CDH18: variants seen among roughly 807,000 people sequenced by gnomAD.
The protein encoded by CDH18 is cadherin 18, also known as cadherin-18.
A neutral mutation model predicts 67.9 loss-of-function variants in CDH18; 31 were observed. That is an observed-to-expected ratio of 0.46 (90% CI 0.34 to 0.62). The LOEUF is 0.62. Ranked by LOEUF, CDH18 falls within the 20% of genes least tolerant of loss-of-function variation. The probability of loss-of-function intolerance (pLI) is 0.01; values close to 1 mark genes in which losing one functional copy is unlikely to be tolerated. For synonymous variants in CDH18, 362 were observed against 347.2 expected (o/e 1.04, Z -0.48); for missense variants, 890 against 975.5 (o/e 0.91, Z 1.17).
intron 7 of CDH18, among the ~76,000 whole-genome samples, chr5:19,587,563 C>T (rs1744378402): frequency 6.6e-6 from 1 of 151,740 alleles, no homozygotes. Context: ...TTCTCCATTG[C>T]TTGTTTTTGT....
chr5:19,676,193 A>G (rs1759462891), intron 5 of CDH18, among the ~76,000 whole-genome samples: 1 of 152,070 alleles, frequency 6.6e-6, no homozygotes, highest in African/African-American at 2.4e-5. Flanking sequence ...GAAATATGGG[A>G]TTACATAACC....
intron 1 of CDH18, among the ~76,000 whole-genome samples, chr5:20,534,771 T>C (rs1023908023): frequency 6.6e-6 from 1 of 152,012 alleles, no homozygotes; most frequent in African/African-American, 2.4e-5. Context: ...ACATCAAAAT[T>C]ATTTAGCACA....
At chr5:20,227,063 T>G (rs1250092938) in intron 2 of CDH18, among the ~76,000 whole-genome samples, 1 of 152,126 alleles carries the variant, frequency 6.6e-6, no homozygotes, top group Admixed American at 6.6e-5. Flanking sequence ...CCTCTTTTTT[T>G]GCCCAAATCA....
intron 2 of CDH18, among the ~76,000 whole-genome samples, chr5:20,214,284 A>G (rs555590928): frequency 4.5e-4 from 69 of 152,140 alleles, no homozygotes; most frequent in African/African-American, 1.7e-3. Flanking sequence ...CATTTTATAG[A>G]TTCAGTACTG....
chr5:19,686,462 C>T (rs537557992), intron 5 of CDH18, among the ~76,000 whole-genome samples: 1 of 152,222 alleles, frequency 6.6e-6, no homozygotes, highest in Admixed American at 6.5e-5. Context: ...AAAGTTGGAA[C>T]ACCAGATATG....
intron 1 of CDH18, among the ~76,000 whole-genome samples, chr5:20,430,715 A>G (rs1314165288): frequency 3.9e-5 from 6 of 152,194 alleles, no homozygotes; most frequent in Admixed American, 3.9e-4. Flanking sequence ...TGCACATAAA[A>G]TTGACAAATA....
At chr5:19,777,870 A>G (rs1176282494) in intron 3 of CDH18, among the ~76,000 whole-genome samples, 2 of 152,222 alleles carry the variant, frequency 1.3e-5, no homozygotes, top group Non-Finnish European at 2.9e-5. Context: ...AGAAACAAAG[A>G]ACATAAATTA....
chr5:20,179,388 C>T (rs1370251961), intron 2 of CDH18, among the ~76,000 whole-genome samples: 1 of 152,108 alleles, frequency 6.6e-6, no homozygotes, highest in African/African-American at 2.4e-5. Flanking sequence ...TAAAGGAAGA[C>T]AAACCACAGA....
chr5:19,612,341 A>G, intron 6 of CDH18, 93 bp downstream of exon 6: 3 of 1,267,542 alleles, frequency 2.4e-6, no homozygotes, highest in East Asian at 4.8e-5. Flanking sequence ...AATTCCACTT[A>G]AGAAAACAGT....
chr5:19,841,224 C>A (rs1466183163), intron 2 of CDH18, among the ~76,000 whole-genome samples: 1 of 151,986 alleles, frequency 6.6e-6, no homozygotes, highest in African/African-American at 2.4e-5. Flanking sequence ...TTTATGTTTT[C>A]AAATATTTTC....
At chr5:19,493,425 G>A (rs1385092325) in intron 11 of CDH18, among the ~76,000 whole-genome samples, 4 of 152,052 alleles carry the variant, frequency 2.6e-5, no homozygotes, top group Non-Finnish European at 4.4e-5. Flanking sequence ...TAAGAAGAAA[G>A]GCGTTCTTTC....
chr5:19,731,214 C>A (rs1767547475), intron 4 of CDH18, among the ~76,000 whole-genome samples: 1 of 152,138 alleles, frequency 6.6e-6, no homozygotes, highest in South Asian at 2.1e-4. Context: ...CTTTGGGAGG[C>A]CGAGACGGGT....
intron 2 of CDH18, among the ~76,000 whole-genome samples, chr5:20,135,204 T>C (rs773554632): frequency 2.6e-5 from 4 of 152,094 alleles, no homozygotes; most frequent in East Asian, 1.9e-4. Context: ...TGAAGTAGAG[T>C]TTTGTTCTCC....
intron 10 of CDH18, among the ~76,000 whole-genome samples, chr5:19,514,138 T>C (rs1351157490): frequency 6.6e-6 from 1 of 152,200 alleles, no homozygotes; most frequent in East Asian, 1.9e-4. Context: ...AGAATGATGG[T>C]TTCCAGCTTT....
chr5:19,799,333 T>A (rs1478889460), intron 3 of CDH18, among the ~76,000 whole-genome samples: 3 of 152,054 alleles, frequency 2.0e-5, no homozygotes, highest in Non-Finnish European at 2.9e-5. Context: ...AAGATAAATA[T>A]GTTCTGGAGA....
At chr5:19,924,484 G>A (rs989390872) in intron 2 of CDH18, among the ~76,000 whole-genome samples, 5 of 151,980 alleles carry the variant, frequency 3.3e-5, no homozygotes, top group Non-Finnish European at 5.9e-5. Context: ...AGTTTAGCTC[G>A]GAGTGGTGGC....
intron 3 of CDH18, among the ~76,000 whole-genome samples, chr5:19,749,389 G>A (rs959076551): frequency 1.3e-4 from 19 of 151,256 alleles, no homozygotes; most frequent in African/African-American, 3.1e-4. Flanking sequence ...TGCAGAATGT[G>A]TTATGTCTTT....
intron 1 of CDH18, among the ~76,000 whole-genome samples, chr5:20,566,680 C>T (rs1758533929): frequency 6.6e-6 from 1 of 151,704 alleles, no homozygotes; most frequent in African/African-American, 2.4e-5. Flanking sequence ...CAGCCTAATT[C>T]TCTTGATTTA....
At chr5:20,306,057 G>C (rs76504548) in intron 1 of CDH18, among the ~76,000 whole-genome samples, 5,368 of 152,222 alleles carry the variant, frequency 0.035, 238 homozygotes, top group African/African-American at 0.099. Context: ...CTGAGTAAAA[G>C]AGACAGTGCG....
Sources: gnomAD v4.1 joint callset for allele counts (sites outside exome capture counted in the v4.1 genomes callset) on GRCh38, gnomAD v4.1.1 for gene constraint, MANE v1.5 for transcripts, NCBI Gene and HGNC (gene_info 2026-07-23, HGNC 2026-07-21) for gene names.